The following SLIT3 variants were observed in gnomAD, a reference collection of about 807,000 sequenced individuals.
SLIT3 encodes the protein slit guidance ligand 3.
In SLIT3, 68 loss-of-function variants were observed where a neutral mutation model predicts 184.0. That is an observed-to-expected ratio of 0.37 (90% CI 0.30 to 0.45). The LOEUF is 0.45. Among genes scored for constraint, SLIT3 ranks in the 20% least tolerant of loss-of-function variants. The pLI is 1.00. For synonymous variants in SLIT3, 831 were observed against 828.6 expected (o/e 1.00, Z -0.05); for missense variants, 1,707 against 2,026.0 (o/e 0.84, Z 3.02).
intron 4 of SLIT3, among the ~76,000 whole-genome samples, chr5:169,006,523 A>G (rs1176862918): frequency 6.6e-6 from 1 of 150,526 alleles, no homozygotes; most frequent in East Asian, 2.0e-4. Context: ...TAAACAGTTA[A>G]ATCTTCCATT....
chr5:169,063,821 CAGA>C (rs1379987938), intron 4 of SLIT3, among the ~76,000 whole-genome samples: 4 of 152,206 alleles, frequency 2.6e-5, no homozygotes, highest in East Asian at 1.9e-4. Context: ...AAGCACTGAG[CAGA>C]AGGAGTGGAA....
intron 4 of SLIT3, among the ~76,000 whole-genome samples, chr5:169,019,639 CCA>C (rs1491493908): frequency 1.3e-5 from 2 of 152,200 alleles, no homozygotes; most frequent in Non-Finnish European, 2.9e-5. Flanking sequence ...GCTACCTCTA[CCA>C]CTTGCTTAAA....
At chr5:169,160,336 G>A (rs925789003) in intron 4 of SLIT3, among the ~76,000 whole-genome samples, 2 of 152,198 alleles carry the variant, frequency 1.3e-5, no homozygotes, top group African/African-American at 4.8e-5. Context: ...TGCCCAGTGT[G>A]AACCTCACTT....
At chr5:168,838,118 T>A (rs1758113626) in intron 6 of SLIT3, among the ~76,000 whole-genome samples, 1 of 152,230 alleles carries the variant, frequency 6.6e-6, no homozygotes, top group Admixed American at 6.5e-5. Flanking sequence ...CTAGTGCATA[T>A]AATTGTTTCT....
intron 12 of SLIT3, among the ~76,000 whole-genome samples, chr5:168,774,996 C>A (rs544295000): frequency 6.6e-6 from 1 of 152,104 alleles, no homozygotes; most frequent in South Asian, 2.1e-4. Flanking sequence ...TCATCCTAAC[C>A]CCACTCACCC....
intron 4 of SLIT3, chr5:169,022,005 C>T (rs1350629321): frequency 2.0e-5 from 3 of 152,096 alleles, no homozygotes; most frequent in African/African-American, 7.2e-5. Context: ...AGATCTAAAC[C>T]CTAAGTGTGC....
intron 5 of SLIT3, among the ~76,000 whole-genome samples, chr5:168,871,639 A>G (rs1041836039): frequency 2.0e-5 from 3 of 152,188 alleles, no homozygotes; most frequent in African/African-American, 7.2e-5. Flanking sequence ...GGAAACTATA[A>G]ATATGACTTT....
intron 4 of SLIT3, among the ~76,000 whole-genome samples, chr5:168,924,305 C>G (rs1220618653): frequency 2.0e-5 from 3 of 152,182 alleles, no homozygotes; most frequent in Non-Finnish European, 2.9e-5. Flanking sequence ...AGCCCCCAGT[C>G]TTTGCCTGGC....
At chr5:168,754,693 A>T (rs996372909) in intron 16 of SLIT3, among the ~76,000 whole-genome samples, 13 of 152,220 alleles carry the variant, frequency 8.5e-5, no homozygotes, top group Non-Finnish European at 1.3e-4. Flanking sequence ...ATCCTGTTTG[A>T]TCACTGTACA....
rs1173919053 is a variant in SLIT3 at position 169,300,338 on chromosome 5, G to T, written c.197+175C>A. Among the ~76,000 whole-genome samples the T allele has an allele frequency of 6.6e-6, 1 of 152,196 alleles. No homozygotes were observed. The highest frequency in any genetic ancestry group is 2.4e-5 in the African/African-American group (1 of 41,458). On this transcript the variant is annotated intron_variant, in intron 1 of 35. Coordinates refer to ENST00000519560, the MANE Select transcript of SLIT3 (RefSeq NM_003062.4). The surrounding 1 kb of genome is among the most constrained non-coding windows in gnomAD (Gnocchi z 4.1). ...GGGGGTTTCGAGACCTCTCTTTCCA[G>T]ATCTGACCAAGCCTACAGACCCCCA...
chr5:168,842,551 G>A (rs62378538), intron 6 of SLIT3, among the ~76,000 whole-genome samples: 3,777 of 150,238 alleles, frequency 0.025, 71 homozygotes, highest in African/African-American at 0.047. Context: ...GGGTGAGGGT[G>A]TATGGGGGCA....
chr5:168,817,353 TGC>T lies in SLIT3; in HGVS notation c.738_739del (p.His247PhefsTer42). ...ATCCGCCACGTTGAAGCCCCTCAAA[TGC>T]ACAGGAGCCATGCAGAGTGTGAACT... On this transcript the variant is annotated frameshift_variant, in exon 8 of 36. Transcript: ENST00000519560. LOFTEE classifies it high-confidence loss of function. 6.2e-7 allele frequency: 1 copy of T among 1,614,176 alleles called. No homozygotes were observed.
At chr5:168,937,656 C>T (rs978249545) in intron 4 of SLIT3, among the ~76,000 whole-genome samples, 1 of 152,028 alleles carries the variant, frequency 6.6e-6, no homozygotes, top group Non-Finnish European at 1.5e-5. Context: ...TGGTGGTAGG[C>T]GGGGATCACA....
intron 4 of SLIT3, among the ~76,000 whole-genome samples, chr5:169,093,795 T>C (rs1431497643): frequency 6.6e-6 from 1 of 152,224 alleles, no homozygotes; most frequent in African/African-American, 2.4e-5. Context: ...GTGTGATCAG[T>C]TGATCACAAT....
chr5:168,687,334 T>A (rs1329510740), intron 29 of SLIT3, among the ~76,000 whole-genome samples: 1 of 152,176 alleles, frequency 6.6e-6, no homozygotes. Context: ...AGAGCCAGGG[T>A]GAGGAACACA....
At chr5:169,034,607 C>T (rs1757161082) in intron 4 of SLIT3, among the ~76,000 whole-genome samples, 1 of 152,146 alleles carries the variant, frequency 6.6e-6, no homozygotes, top group Admixed American at 6.5e-5. Flanking sequence ...ATTAACATGG[C>T]CTTCCACTGG....
Position 169,170,310 on chromosome 5 carries a change from T to C in SLIT3, c.413+23169A>G, listed in dbSNP as rs529630098. 3.1e-3 allele frequency among the ~76,000 whole-genome samples: 478 copies of C among 152,114 alleles called. 2 individuals are homozygous for C. Among genetic ancestry groups the C allele is most frequent in the African/African-American group, 0.011 (445 of 41,510 alleles). On this transcript the variant is annotated intron_variant, in intron 4 of 35. Coordinates refer to ENST00000519560, the MANE Select transcript of SLIT3 (RefSeq NM_003062.4). ...CTCAGGGGTGAAAAGACTGCGGAAA[T>C]ATCAAACAGAAGTCCGGAAGAGTCA...
intron 20 of SLIT3, among the ~76,000 whole-genome samples, chr5:168,735,947 A>G (rs1763423133): frequency 6.6e-6 from 1 of 151,966 alleles, no homozygotes; most frequent in Admixed American, 6.6e-5. Context: ...GCTCCATCTC[A>G]CAGCCTTCTT....
At chr5:169,043,549 T>C (rs1431851818) in intron 4 of SLIT3, among the ~76,000 whole-genome samples, 1 of 152,266 alleles carries the variant, frequency 6.6e-6, no homozygotes, top group African/African-American at 2.4e-5. Flanking sequence ...ACTTGATAAC[T>C]TGCCTATCAA....
Sources: gnomAD v4.1 joint callset for allele counts (sites outside exome capture counted in the v4.1 genomes callset) on GRCh38, gnomAD v4.1.1 for gene constraint, Gnocchi (gnomAD v3.1) non-coding constraint, MANE v1.5 for transcripts, NCBI Gene and HGNC (gene_info 2026-07-23, HGNC 2026-07-21) for gene names.